Variants in NRXN3 observed in about 807,000 individuals in gnomAD.
The protein encoded by NRXN3 is neurexin III.
In NRXN3, 32 loss-of-function variants were observed where a neutral mutation model predicts 137.6. The ratio of observed to expected loss-of-function variants is 0.23; its 90% CI spans 0.18 to 0.31. The LOEUF (loss-of-function observed/expected upper bound fraction) is 0.31. NRXN3 is among the 10% of genes least tolerant of loss of function. NRXN3 has a pLI of 1.00. For missense variants in NRXN3, 1,574 were observed against 2,062.5 expected, an observed-to-expected ratio of 0.76 and a Z score of 4.59; for synonymous variants, 798 against 784.5, an observed-to-expected ratio of 1.02 and a Z score of -0.29.
At chr14:79,587,745 C>T (rs968387392) in intron 16 of NRXN3, among the ~76,000 whole-genome samples, 1 of 152,168 alleles carries the variant, frequency 6.6e-6, no homozygotes, top group African/African-American at 2.4e-5. Flanking sequence ...AGTGTACTGC[C>T]TTTCCAAACA....
At chr14:79,305,778 G>T (rs1056363626) in intron 15 of NRXN3, among the ~76,000 whole-genome samples, 8 of 151,938 alleles carry the variant, frequency 5.3e-5, no homozygotes, top group Admixed American at 1.3e-4. Context: ...CATCCCAGTG[G>T]CTTCACCTCA....
chr14:79,402,549 T>G (rs766238534), intron 15 of NRXN3, among the ~76,000 whole-genome samples: 6 of 152,228 alleles, frequency 3.9e-5, no homozygotes, highest in Non-Finnish European at 8.8e-5. Flanking sequence ...ATTGTAGGTC[T>G]TAAATGTAAA....
intron 15 of NRXN3, among the ~76,000 whole-genome samples, chr14:79,151,108 G>A (rs539071561): frequency 1.4e-4 from 21 of 152,136 alleles, no homozygotes; most frequent in African/African-American, 4.3e-4. Flanking sequence ...ATTAAAAATT[G>A]TATCACAAAG....
chr14:78,389,680 T>C (rs1221510679), intron 4 of NRXN3, among the ~76,000 whole-genome samples: 1 of 152,174 alleles, frequency 6.6e-6, no homozygotes, highest in African/African-American at 2.4e-5. Flanking sequence ...TGGCAAACAC[T>C]TTTCTTTCAA....
At chr14:79,157,613 G>T (rs2060369585) in intron 15 of NRXN3, among the ~76,000 whole-genome samples, 1 of 151,742 alleles carries the variant, frequency 6.6e-6, no homozygotes, top group African/African-American at 2.4e-5. Flanking sequence ...GGGAATAGTT[G>T]CCCTATCAGC....
intron 15 of NRXN3, chr14:79,279,910 G>T: frequency 9.6e-7 from 1 of 1,042,420 alleles, no homozygotes; most frequent in Non-Finnish European, 1.2e-6. Flanking sequence ...CCTTTCCTCT[G>T]TGTGGCTCCC....
At chr14:79,593,264 A>C (rs906819356) in intron 16 of NRXN3, among the ~76,000 whole-genome samples, 1 of 152,180 alleles carries the variant, frequency 6.6e-6, no homozygotes, top group Non-Finnish European at 1.5e-5. Context: ...AAAACTCTAT[A>C]ATTTAAACAA....
chr14:79,710,925 C>T (rs1267734571), intron 19 of NRXN3, among the ~76,000 whole-genome samples: 1 of 152,182 alleles, frequency 6.6e-6, no homozygotes, highest in Non-Finnish European at 1.5e-5. Flanking sequence ...TATTTTCAGA[C>T]TACAAGCGGA....
chr14:79,684,364 A>G (rs1314811132), intron 17 of NRXN3, among the ~76,000 whole-genome samples: 2 of 152,208 alleles, frequency 1.3e-5, no homozygotes, highest in Admixed American at 6.5e-5. Context: ...TTGTTGAAGC[A>G]ACGGTTGCAA....
chr14:79,274,042 G>A lies in NRXN3; in HGVS notation c.3263-193179G>A, dbSNP rs554625399. ...AACTGGGACCCGGGAGGTGGAGGTT[G>A]CATTGAGCCGAGATTACGCACTGCA... On this transcript the variant is annotated intron_variant, in intron 15 of 20. Transcript: ENST00000335750. 5.3e-5 allele frequency among the ~76,000 whole-genome samples: 8 copies of A among 149,956 alleles called. No homozygotes were observed. In the South Asian group the frequency reaches 1.1e-3, roughly 20 times the overall value.
chr14:79,079,714 G>T (rs761555208), intron 15 of NRXN3, among the ~76,000 whole-genome samples: 2 of 152,172 alleles, frequency 1.3e-5, no homozygotes, highest in Admixed American at 6.5e-5. Flanking sequence ...GTCGGGCAGG[G>T]TGCAGTTTCT....
In NRXN3 at chr14:78,788,676, C is replaced by A. The variant is rs76576953; in HGVS notation, c.2045-14944C>A. On this transcript the variant is annotated intron_variant, in intron 8 of 20. Coordinates refer to ENST00000335750, the MANE Select transcript of NRXN3 (RefSeq NM_001330195.2). ...AGTAAAAGGGTCTGCTCTTAATAGA[C>A]CTGAATACTGCATTACCCCTAGAGG... 7.5e-4 allele frequency among the ~76,000 whole-genome samples: 114 copies of A among 152,304 alleles called. 1 individual carries two copies. The East Asian group carries it at 0.011, about 14-fold the overall frequency.
intron 4 of NRXN3, among the ~76,000 whole-genome samples, chr14:78,504,000 C>A (rs12588847): frequency 0.42 from 63,375 of 152,034 alleles, 13,385 homozygotes; most frequent in East Asian, 0.51. Flanking sequence ...TATGGCAAAT[C>A]CAGAATGAAA....
At chr14:78,526,279 G>A (rs1467283249) in intron 4 of NRXN3, among the ~76,000 whole-genome samples, 2 of 152,226 alleles carry the variant, frequency 1.3e-5, no homozygotes, top group African/African-American at 2.4e-5. Flanking sequence ...ATGACATCAA[G>A]TGGCTGTCTG....
intron 15 of NRXN3, among the ~76,000 whole-genome samples, chr14:79,345,841 A>G (rs1398542288): frequency 6.6e-6 from 1 of 152,198 alleles, no homozygotes; most frequent in African/African-American, 2.4e-5. Context: ...TGCTTCCTGT[A>G]CGTCCTGCAG....
chr14:79,057,806 C>T (rs758107482), intron 15 of NRXN3, among the ~76,000 whole-genome samples: 1 of 151,958 alleles, frequency 6.6e-6, no homozygotes, highest in Non-Finnish European at 1.5e-5. Flanking sequence ...CCAACTGCTC[C>T]TTGGGCAAGT....
rs1227483455 is a variant in NRXN3, at chr14:79,866,690, A to G, written c.*4726A>G. On this transcript the variant is annotated 3_prime_UTR_variant, in exon 21 of 21. Coordinates refer to ENST00000335750, the MANE Select transcript of NRXN3 (RefSeq NM_001330195.2). The stretch of plus-strand genomic sequence containing the variant: ...TTTGTCGAGTACAAAGGACTCGAGC[A>G]TATTTGAAATGAAAGGTAATAACTG... The G allele has an allele frequency of 5.9e-5, 9 of 152,222 alleles. No individual in the cohort carries two copies. Among genetic ancestry groups the G allele is most frequent in the South Asian group, 2.1e-4 (1 of 4,834 alleles). 9.4% of individuals were successfully genotyped at this position (152,222 alleles called of 1,614,324 possible).
At chr14:79,796,824 G>A (rs559158023) in intron 19 of NRXN3, among the ~76,000 whole-genome samples, 3 of 152,276 alleles carry the variant, frequency 2.0e-5, no homozygotes, top group East Asian at 1.9e-4. Context: ...TGGGTGATAC[G>A]ATTTGCTTGA....
intron 10 of NRXN3, among the ~76,000 whole-genome samples, chr14:78,881,963 T>C (rs1187990270): frequency 6.6e-6 from 1 of 151,680 alleles, no homozygotes; most frequent in Non-Finnish European, 1.5e-5. Context: ...AGGGCTCCCC[T>C]GCTGTGTGCA....
Sources: gnomAD v4.1 joint callset for allele counts (sites outside exome capture counted in the v4.1 genomes callset) on GRCh38, gnomAD v4.1.1 for gene constraint, MANE v1.5 for transcripts, NCBI Gene and HGNC (gene_info 2026-07-23, HGNC 2026-07-21) for gene names.